TMEM108: variants seen among roughly 807,000 people sequenced by gnomAD.
TMEM108 encodes the protein transmembrane protein 108.
In TMEM108, 12 loss-of-function variants were observed where a neutral mutation model predicts 35.1. That is an observed-to-expected ratio of 0.34 (90% CI 0.22 to 0.55). TMEM108 has a LOEUF of 0.55. Among genes scored for constraint, TMEM108 ranks in the 20% least tolerant of loss-of-function variants. TMEM108 has a pLI of 0.89. For synonymous variants in TMEM108, 287 were observed against 308.6 expected (o/e 0.93, Z 0.73); for missense variants, 680 against 753.3 (o/e 0.90, Z 1.14).
At chr3:133,394,507 T>G (rs955676091) in intron 5 of TMEM108, among the ~76,000 whole-genome samples, 1 of 152,238 alleles carries the variant, frequency 6.6e-6, no homozygotes, top group Non-Finnish European at 1.5e-5. Flanking sequence ...GCTTTGGTTG[T>G]TTCCTGAATA....
intron 4 of TMEM108, among the ~76,000 whole-genome samples, chr3:133,384,820 C>G (rs1417590335): frequency 6.6e-6 from 1 of 152,190 alleles, no homozygotes; most frequent in African/African-American, 2.4e-5. Flanking sequence ...TTTGAAAATG[C>G]CTTCACCCAT....
Position 133,394,510 on chromosome 3 carries a change from C to T in TMEM108, c.1606-1354C>T, listed in dbSNP as rs547527245. Among the ~76,000 whole-genome samples the T allele has an allele frequency of 3.3e-5, 5 of 152,198 alleles. No individual in the cohort carries two copies. In the South Asian group the frequency reaches 1.0e-3, roughly 32 times the overall value. ...TTCTTCTCCTTTGCTTTGGTTGTTT[C>T]CTGAATAACTCTCTCTTTAATGCAG... is the stretch of plus-strand genomic sequence containing the variant. On this transcript the variant is annotated intron_variant, in intron 5 of 5. Transcript: ENST00000321871.
intron 3 of TMEM108, among the ~76,000 whole-genome samples, chr3:133,258,081 G>C (rs1266401899): frequency 6.6e-6 from 1 of 152,170 alleles, no homozygotes; most frequent in African/African-American, 2.4e-5. Context: ...ATGGTATTTG[G>C]AGGTGGGGCC....
chr3:133,084,888 G>A (rs906306869), intron 2 of TMEM108, among the ~76,000 whole-genome samples: 5 of 152,134 alleles, frequency 3.3e-5, no homozygotes, highest in Non-Finnish European at 7.4e-5. Flanking sequence ...AGTGCAAAGG[G>A]GGAAGGGGTT....
intron 3 of TMEM108, among the ~76,000 whole-genome samples, chr3:133,379,191 TG>T (rs2072929373): frequency 1.3e-5 from 2 of 152,246 alleles, no homozygotes; most frequent in Admixed American, 1.3e-4. Context: ...GTTTGGCGAA[TG>T]GTCCTGAAGG....
chr3:133,116,335 T>C (rs1053803491), intron 2 of TMEM108, among the ~76,000 whole-genome samples: 3 of 152,216 alleles, frequency 2.0e-5, no homozygotes, highest in African/African-American at 7.2e-5. Flanking sequence ...CAAACTGATG[T>C]CTTATACTTC....
chr3:133,316,455 C>T lies in TMEM108; in HGVS notation c.41-63297C>T, dbSNP rs374917119. 5.9e-5 allele frequency among the ~76,000 whole-genome samples: 9 copies of T among 152,246 alleles called. No individual in the cohort carries two copies. The South Asian group carries it at 1.7e-3, about 28-fold the overall frequency. ...ATCTTTAGCATCATCACTTAGAGAGCTGTGTGGTCATTAGGTTTATCCCAG... is the reference window on the plus strand; with the variant it reads ...ATCTTTAGCATCATCACTTAGAGAGTTGTGTGGTCATTAGGTTTATCCCAG... On this transcript the variant is annotated intron_variant, in intron 3 of 5. Coordinates refer to ENST00000321871, the MANE Select transcript of TMEM108 (RefSeq NM_023943.4).
chr3:133,137,441 G>C (rs1166674204), intron 2 of TMEM108, among the ~76,000 whole-genome samples: 1 of 152,150 alleles, frequency 6.6e-6, no homozygotes, highest in African/African-American at 2.4e-5. Context: ...ACACCATCCT[G>C]TCACGCCTGC....
chr3:133,339,187 C>A (rs1047773463), intron 3 of TMEM108, among the ~76,000 whole-genome samples: 3 of 150,790 alleles, frequency 2.0e-5, no homozygotes, highest in Admixed American at 6.6e-5. Flanking sequence ...AAAAAAAAAA[C>A]CAAGACCTAA....
intron 2 of TMEM108, among the ~76,000 whole-genome samples, chr3:133,189,245 A>G (rs1945464603): frequency 6.6e-6 from 1 of 152,216 alleles, no homozygotes; most frequent in Admixed American, 6.5e-5. Context: ...GCAAATATCC[A>G]TCTGCTTCTG....
At chr3:133,331,166 A>G (rs1202060474) in intron 3 of TMEM108, among the ~76,000 whole-genome samples, 2 of 152,238 alleles carry the variant, frequency 1.3e-5, no homozygotes, top group South Asian at 2.1e-4. Flanking sequence ...GCTCTTAAAT[A>G]TGGAAGAAAT....
chr3:133,079,385 A>G (rs1386938934), intron 2 of TMEM108, among the ~76,000 whole-genome samples: 1 of 152,190 alleles, frequency 6.6e-6, no homozygotes, highest in Non-Finnish European at 1.5e-5. Flanking sequence ...TACCAGAATA[A>G]TATAGACTAG....
At chr3:133,153,815 T>C (rs950024063) in intron 2 of TMEM108, among the ~76,000 whole-genome samples, 1 of 152,160 alleles carries the variant, frequency 6.6e-6, no homozygotes, top group Non-Finnish European at 1.5e-5. Context: ...AATGGTTGTA[T>C]ATAGTAAGAA....
chr3:133,251,653 G>A (rs1009718187), intron 3 of TMEM108, among the ~76,000 whole-genome samples: 2 of 152,078 alleles, frequency 1.3e-5, no homozygotes, highest in African/African-American at 4.8e-5. Flanking sequence ...TATTGGATAG[G>A]TATCCTCCTC....
chr3:133,266,466 G>A (rs938814292), intron 3 of TMEM108, among the ~76,000 whole-genome samples: 3 of 152,204 alleles, frequency 2.0e-5, no homozygotes, highest in African/African-American at 7.2e-5. Flanking sequence ...ACCACATACA[G>A]TAGGTCCTCA....
intron 2 of TMEM108, among the ~76,000 whole-genome samples, chr3:133,111,708 T>C (rs1944226883): frequency 6.6e-6 from 1 of 152,168 alleles, no homozygotes; most frequent in Admixed American, 6.6e-5. Context: ...CCCCCAACTG[T>C]AGTCAACACA....
At chr3:133,176,947 G>A (rs917809613) in intron 2 of TMEM108, among the ~76,000 whole-genome samples, 12 of 151,710 alleles carry the variant, frequency 7.9e-5, no homozygotes, top group African/African-American at 2.9e-4. Context: ...AAAGAGAGAA[G>A]AATCAAATAG....
At chr3:133,055,298 A>G (rs1943453280) in intron 2 of TMEM108, among the ~76,000 whole-genome samples, 1 of 152,224 alleles carries the variant, frequency 6.6e-6, no homozygotes, top group Non-Finnish European at 1.5e-5. Flanking sequence ...TAAGTGAAAG[A>G]TTAACTCAAA....
chr3:133,175,891 G>C (rs977828591), intron 2 of TMEM108, among the ~76,000 whole-genome samples: 1 of 152,140 alleles, frequency 6.6e-6, no homozygotes, highest in African/African-American at 2.4e-5. Context: ...TGGATAAAGA[G>C]TCAAGACCCA....
Sources: gnomAD v4.1 joint callset for allele counts (sites outside exome capture counted in the v4.1 genomes callset) on GRCh38, gnomAD v4.1.1 for gene constraint, MANE v1.5 for transcripts, NCBI Gene and HGNC (gene_info 2026-07-23, HGNC 2026-07-21) for gene names.